Variants in RHBDD1 observed in about 807,000 individuals in gnomAD.
The protein encoded by RHBDD1 is rhomboid domain containing 1.
Under a neutral mutation model 36.3 loss-of-function variants are expected in RHBDD1, and 38 were observed. The ratio of observed to expected loss-of-function variants is 1.05; its 90% CI spans 0.81 to 1.37. The LOEUF (loss-of-function observed/expected upper bound fraction) is 1.37. Among genes scored for constraint, RHBDD1 ranks in the 40% most tolerant of loss-of-function variants. The pLI, the probability that RHBDD1 is intolerant of heterozygous loss-of-function variation, is 0.00. For synonymous variants in RHBDD1, 151 were observed against 136.5 expected, an observed-to-expected ratio of 1.11 and a Z score of -0.74; for missense variants, 393 against 377.6, an observed-to-expected ratio of 1.04 and a Z score of -0.34.
chr2:226,878,597 A>G (rs189059881), intron 5 of RHBDD1, among the ~76,000 whole-genome samples: 5 of 152,326 alleles, frequency 3.3e-5, no homozygotes, highest in East Asian at 1.9e-4. Context: ...AGGCCCAACC[A>G]TCAGTGGCAT....
chr2:226,925,497 A>G lies in RHBDD1; in HGVS notation c.856+11146A>G, dbSNP rs75285018. Among the ~76,000 whole-genome samples the G allele has an allele frequency of 5.8e-3, 884 of 152,328 alleles. 9 individuals are homozygous for G. Among genetic ancestry groups the G allele is most frequent in the African/African-American group, 0.021 (858 of 41,566 alleles). On this transcript the variant is annotated intron_variant, in intron 8 of 8. Coordinates refer to ENST00000392062, the MANE Select transcript of RHBDD1 (RefSeq NM_001167608.3). ...CGTAAGGCACAAAATAGTATGTACC[A>G]TATGGCCAGAAATTTATAAAATAAG... is the stretch of plus-strand genomic sequence containing the variant.
intron 5 of RHBDD1, among the ~76,000 whole-genome samples, chr2:226,893,839 G>T (rs1320165232): frequency 1.3e-5 from 2 of 152,104 alleles, no homozygotes; most frequent in African/African-American, 4.8e-5. Context: ...GATAAAAATA[G>T]TCCTCTACAC....
chr2:226,973,851 G>A (rs1195381130), intron 8 of RHBDD1, among the ~76,000 whole-genome samples: 2 of 152,196 alleles, frequency 1.3e-5, no homozygotes, highest in Non-Finnish European at 2.9e-5. Context: ...CCATGAGTAA[G>A]GCTACTGTGT....
rs370450671 is a variant in RHBDD1, at chr2:226,849,008, A to T, written c.-91+9381A>T. On this transcript the variant is annotated intron_variant, in intron 3 of 8. Transcript: ENST00000392062. ...AACTATCAATCAGTAGCAAAATGGG[A>T]TTTCTTTTTCAGTCATTAAAAAATA... Among the ~76,000 whole-genome samples the T allele has an allele frequency of 2.6e-4, 40 of 152,186 alleles. No individual in the cohort carries two copies. In the South Asian group the frequency reaches 8.3e-3, roughly 32 times the overall value.
chr2:226,905,128 C>G (rs763202568), intron 5 of RHBDD1, among the ~76,000 whole-genome samples: 1 of 151,296 alleles, frequency 6.6e-6, no homozygotes, highest in East Asian at 1.9e-4. Context: ...GGTCACTATT[C>G]CAGGCTGTGG....
intron 8 of RHBDD1, among the ~76,000 whole-genome samples, chr2:226,949,055 G>A (rs1446525968): frequency 1.3e-5 from 2 of 152,016 alleles, no homozygotes; most frequent in Non-Finnish European, 2.9e-5. Flanking sequence ...AAAATATCTA[G>A]GAATACAACT....
intron 3 of RHBDD1, among the ~76,000 whole-genome samples, chr2:226,846,341 T>A (rs1942213489): frequency 6.6e-6 from 1 of 152,218 alleles, no homozygotes; most frequent in African/African-American, 2.4e-5. Flanking sequence ...GCATATTTGA[T>A]AGAGAATTTA....
chr2:226,873,811 T>A (rs1944993209), intron 5 of RHBDD1, among the ~76,000 whole-genome samples: 1 of 152,186 alleles, frequency 6.6e-6, no homozygotes, highest in African/African-American at 2.4e-5. Context: ...GAAAAGGTCC[T>A]GGTAGTCAAG....
At chr2:226,973,711 A>G (rs1291435790) in intron 8 of RHBDD1, among the ~76,000 whole-genome samples, 4 of 151,788 alleles carry the variant, frequency 2.6e-5, no homozygotes, top group Admixed American at 1.3e-4. Context: ...GCATTTTGTT[A>G]TCATTGTTAT....
chr2:226,860,308 G>A (rs1373098982), intron 3 of RHBDD1, among the ~76,000 whole-genome samples: 9 of 151,988 alleles, frequency 5.9e-5, no homozygotes, highest in African/African-American at 2.2e-4. Context: ...CTTGTGGTCT[G>A]GATACAAGTT....
chr2:226,872,465 T>C (rs926631693), intron 5 of RHBDD1, among the ~76,000 whole-genome samples: 1 of 152,204 alleles, frequency 6.6e-6, no homozygotes, highest in African/African-American at 2.4e-5. Flanking sequence ...AGTTTTCTAT[T>C]ATTAAGAGTT....
chr2:226,828,980 C>CAG, the RHBDD1 span, among the ~76,000 whole-genome samples: 1 of 152,086 alleles, frequency 6.6e-6, no homozygotes, highest in African/African-American at 2.4e-5. Context: ...TCTAAGATGA[C>CAG]AAAGATTTTC....
intron 7 of RHBDD1, among the ~76,000 whole-genome samples, chr2:226,909,245 C>G (rs1289546351): frequency 6.6e-6 from 1 of 152,056 alleles, no homozygotes; most frequent in Non-Finnish European, 1.5e-5. Flanking sequence ...CATGGCCCAT[C>G]CTGTGTATAT....
At chr2:226,924,098 A>G (rs958589636) in intron 8 of RHBDD1, among the ~76,000 whole-genome samples, 2 of 151,964 alleles carry the variant, frequency 1.3e-5, no homozygotes, top group Non-Finnish European at 2.9e-5. Context: ...AAGCCACCAT[A>G]TTGGGAATGT....
At chr2:226,945,958 A>G (rs1208974709) in intron 8 of RHBDD1, among the ~76,000 whole-genome samples, 2 of 152,116 alleles carry the variant, frequency 1.3e-5, no homozygotes, top group Admixed American at 1.3e-4. Context: ...TCTTCTTTCG[A>G]GAAGTGTCTG....
chr2:226,801,420 A>G, the RHBDD1 span, among the ~76,000 whole-genome samples: 5 of 152,272 alleles, frequency 3.3e-5, no homozygotes, highest in East Asian at 9.6e-4. Context: ...AAAAAGAACC[A>G]TAGGCGCCAT....
chr2:226,933,363 G>A (rs939160337), intron 8 of RHBDD1, among the ~76,000 whole-genome samples: 3 of 152,210 alleles, frequency 2.0e-5, no homozygotes, highest in Middle Eastern at 3.4e-3. Context: ...GTACCATAGT[G>A]ATAAAGGATG....
chr2:226,991,797 T>C (rs1180024311), intron 8 of RHBDD1, among the ~76,000 whole-genome samples: 1 of 152,190 alleles, frequency 6.6e-6, no homozygotes, highest in Non-Finnish European at 1.5e-5. Context: ...GTTGTCAAAC[T>C]TCAGAATCAT....
At chr2:226,931,066 G>A (rs1950002959) in intron 8 of RHBDD1, among the ~76,000 whole-genome samples, 1 of 151,982 alleles carries the variant, frequency 6.6e-6, no homozygotes, top group South Asian at 2.1e-4. Flanking sequence ...TACCTCTATG[G>A]AAAACAGTAC....
Sources: gnomAD v4.1 joint callset for allele counts (sites outside exome capture counted in the v4.1 genomes callset) on GRCh38, gnomAD v4.1.1 for gene constraint, MANE v1.5 for transcripts, NCBI Gene and HGNC (gene_info 2026-07-23, HGNC 2026-07-21) for gene names.